The following TMC1 variants were observed in gnomAD, a reference collection of about 807,000 sequenced individuals.
The protein encoded by TMC1 is transmembrane channel like 1, also known as transmembrane channel-like protein 1.
TMC1 carries 84 observed loss-of-function variants against 105.8 expected under a neutral mutation model. The observed-to-expected ratio is 0.79, with a 90% CI of 0.67 to 0.95. The LOEUF (loss-of-function observed/expected upper bound fraction) is 0.95, where lower values mean the gene tolerates loss of function less well. Ranked by LOEUF, TMC1 falls within the 40% of genes least tolerant of loss-of-function variation. The pLI is 0.00. For missense variants in TMC1, 817 were observed against 914.1 expected (o/e 0.89, Z 1.37); for synonymous variants, 315 against 311.5 (o/e 1.01, Z -0.12).
Position 72,836,881 on chromosome 9 carries a change from G to A in TMC1, c.*908G>A, listed in dbSNP as rs540941294. The A allele has an allele frequency of 1.3e-5, 2 of 152,280 alleles. No homozygotes were observed. Among genetic ancestry groups the A allele is most frequent in the South Asian group, 2.1e-4 (1 of 4,826 alleles). 9.4% of individuals were successfully genotyped at this position (152,280 alleles called of 1,614,324 possible). On this transcript the variant is annotated 3_prime_UTR_variant, in exon 24 of 24. Transcript: ENST00000297784. ...CAGAAGTAGGTTTATGGCAGAGGGA[G>A]AGAATGAGGCAAGTTTTAGAGCAGG...
intron 5 of TMC1, among the ~76,000 whole-genome samples, chr9:72,658,402 A>G (rs1825916620): frequency 6.6e-6 from 1 of 151,768 alleles, no homozygotes; most frequent in Non-Finnish European, 1.5e-5. Context: ...TATCTTACTC[A>G]TCTACAAAAT....
intron 2 of TMC1, among the ~76,000 whole-genome samples, chr9:72,611,553 T>G (rs1359003347): frequency 6.6e-6 from 1 of 152,094 alleles, no homozygotes; most frequent in African/African-American, 2.4e-5. Flanking sequence ...TGTCTGTTAG[T>G]GCTTTGCAGC....
intron 1 of TMC1, among the ~76,000 whole-genome samples, chr9:72,552,056 C>T (rs1466371396): frequency 6.6e-6 from 1 of 152,038 alleles, no homozygotes; most frequent in Non-Finnish European, 1.5e-5. Context: ...TTAAGACACC[C>T]ACCATGTGGT....
At chr9:72,541,834 G>A (rs1823684034) in intron 1 of TMC1, among the ~76,000 whole-genome samples, 1 of 152,152 alleles carries the variant, frequency 6.6e-6, no homozygotes, top group Non-Finnish European at 1.5e-5. Context: ...TGAAAGATCT[G>A]AAGTCAGGAA....
intron 6 of TMC1, 136 bp from the exon 7 acceptor site, chr9:72,694,407 C>A: frequency 1.4e-6 from 1 of 703,436 alleles, no homozygotes; most frequent in South Asian, 1.7e-5. Flanking sequence ...TTCCATGATG[C>A]ATCCCATCAC....
At chr9:72,732,468 G>GGT (rs1449518488) in intron 8 of TMC1, among the ~76,000 whole-genome samples, 1 of 150,648 alleles carries the variant, frequency 6.6e-6, no homozygotes, top group East Asian at 2.0e-4. Flanking sequence ...GGGAGGCTGA[G>GGT]ACATGAGAAT....
chr9:72,539,095 C>T (rs550613587), intron 1 of TMC1, among the ~76,000 whole-genome samples: 1 of 106,134 alleles, frequency 9.4e-6, no homozygotes, highest in East Asian at 2.5e-4. Flanking sequence ...GAAATTTCTT[C>T]TGCTGCTGGG....
intron 12 of TMC1, among the ~76,000 whole-genome samples, chr9:72,771,767 G>T (rs140613488): frequency 4.1e-4 from 63 of 152,244 alleles, no homozygotes; most frequent in African/African-American, 1.5e-3. Context: ...TAAAGAGGGA[G>T]TTATTCAGGT....
chr9:72,822,727 C>T (rs1564578428), intron 20 of TMC1, among the ~76,000 whole-genome samples: 1 of 152,184 alleles, frequency 6.6e-6, no homozygotes, highest in Non-Finnish European at 1.5e-5. Context: ...AAATTATTCA[C>T]ACTACTTATT....
At chr9:72,563,899 CAAAAAAA>C (rs71357586) in intron 1 of TMC1, among the ~76,000 whole-genome samples, 4 of 52,174 alleles carry the variant, frequency 7.7e-5, no homozygotes, top group East Asian at 6.8e-4. Context: ...AACTCTGGCT[CAAAAAAA>C]AAAAAAAAAA....
intron 1 of TMC1, among the ~76,000 whole-genome samples, chr9:72,561,211 C>T (rs542825002): frequency 6.7e-6 from 1 of 150,232 alleles, no homozygotes; most frequent in African/African-American, 2.5e-5. Context: ...GTCCCAGCTA[C>T]TCTGGAGGGT....
At chr9:72,529,545 G>GTA (rs1564392021) in intron 1 of TMC1, among the ~76,000 whole-genome samples, 1 of 152,092 alleles carries the variant, frequency 6.6e-6, no homozygotes. Flanking sequence ...TAGGAAATGT[G>GTA]TATATATGTG....
intron 13 of TMC1, 71 bp downstream of exon 13, chr9:72,772,626 T>C: frequency 6.3e-7 from 1 of 1,594,930 alleles, no homozygotes; most frequent in Middle Eastern, 1.7e-4. Context: ...AATTTGGGGA[T>C]TGGATATAAT....
At position 72,788,367 on chromosome 9, in the gene TMC1, G is replaced by A. The variant is rs1456717564; in HGVS notation, c.913G>A (p.Gly305Ser). Residue 305 changes from glycine (G) to serine (S), a missense_variant, in exon 14 of 24, where the codon GGT becomes AGT. By Grantham distance (56) the Gly-to-Ser change is moderately conservative. Coordinates refer to ENST00000297784, the MANE Select transcript of TMC1 (RefSeq NM_138691.3). ...AMTKNIGDDG[G>S]GDDNTFNFSW... ...GACCAAAAACATTGGTGATGATGGA[G>A]GTGGAGATGACAACACTTTCAATTT... The A allele has an allele frequency of 6.2e-7, 1 of 1,614,038 alleles. No individual in the cohort carries two copies. The highest frequency in any genetic ancestry group is 8.5e-7 in the Non-Finnish European group (1 of 1,179,944).
At chr9:72,751,466 G>C (rs982726403) in intron 10 of TMC1, among the ~76,000 whole-genome samples, 1 of 152,212 alleles carries the variant, frequency 6.6e-6, no homozygotes, top group Non-Finnish European at 1.5e-5. Flanking sequence ...CTAATTACTA[G>C]CTAGGCACTG....
chr9:72,752,440 T>C (rs2793177), intron 11 of TMC1, among the ~76,000 whole-genome samples: 71,714 of 150,958 alleles, frequency 0.48, 19,418 homozygotes, highest in African/African-American at 0.75. Context: ...AGTAAGATAA[T>C]GCCCACAACA....
At chr9:72,683,101 A>C (rs867587076) in intron 5 of TMC1, among the ~76,000 whole-genome samples, 45 of 152,172 alleles carry the variant, frequency 3.0e-4, no homozygotes, top group Admixed American at 9.2e-4. Context: ...ACAATTAGAC[A>C]TGAGATTTTG....
At chr9:72,828,317 T>C (rs2118323609) in intron 21 of TMC1, among the ~76,000 whole-genome samples, 1 of 152,316 alleles carries the variant, frequency 6.6e-6, no homozygotes, top group South Asian at 2.1e-4. Context: ...ATTTTCTTTC[T>C]CTACATGTCC....
intron 12 of TMC1, among the ~76,000 whole-genome samples, chr9:72,755,112 G>GAGAAAGAA (rs879459521): frequency 1.3e-4 from 19 of 150,820 alleles, no homozygotes; most frequent in Admixed American, 8.6e-4. Flanking sequence ...AAGAAAGAAA[G>GAGAAAGAA]AGAAAGAAAG....
Sources: gnomAD v4.1 joint callset for allele counts (sites outside exome capture counted in the v4.1 genomes callset) on GRCh38, gnomAD v4.1.1 for gene constraint, MANE v1.5 for transcripts, NCBI Gene and HGNC (gene_info 2026-07-23, HGNC 2026-07-21) for gene names.